PHLPP1: variants seen among roughly 807,000 people sequenced by gnomAD.
PHLPP1 encodes the protein PH domain leucine-rich repeat-containing protein phosphatase 1.
In PHLPP1, 42 loss-of-function variants were observed where a neutral mutation model predicts 117.2. That is an observed-to-expected ratio of 0.36 (90% CI 0.28 to 0.46). The LOEUF (loss-of-function observed/expected upper bound fraction) is 0.46, where lower values mean the gene tolerates loss of function less well. PHLPP1 is among the 20% of genes least tolerant of loss of function. The pLI is 1.00. For synonymous variants in PHLPP1, 1,042 were observed against 970.7 expected (o/e 1.07, Z -1.37); for missense variants, 2,084 against 2,241.9 (o/e 0.93, Z 1.42).
chr18:62,964,914 T>G (rs1910861104), intron 14 of PHLPP1, among the ~76,000 whole-genome samples: 1 of 152,188 alleles, frequency 6.6e-6, no homozygotes, highest in Non-Finnish European at 1.5e-5. Context: ...GGTGGGCTTT[T>G]GGGCATAATT....
chr18:62,750,307 G>A (rs1911805148), intron 1 of PHLPP1, among the ~76,000 whole-genome samples: 1 of 152,114 alleles, frequency 6.6e-6, no homozygotes, highest in African/African-American at 2.4e-5. Context: ...AGTAGTTCAT[G>A]TCCTCATGAG....
rs147971035 is a variant in PHLPP1, at chr18:62,732,937, A to G, written c.1576+15678A>G. The stretch of plus-strand genomic sequence containing the variant: ...GCTGCAATCTCATGATGAAACTTGA[A>G]TGGATGAGGAATTTCCTCTTATGGA... On this transcript the variant is annotated intron_variant, in intron 1 of 16. Transcript: ENST00000262719. Among the ~76,000 whole-genome samples, 221 of 152,362 alleles carry G rather than the reference A, an allele frequency of 1.5e-3. 1 individual carries two copies. The highest frequency in any genetic ancestry group is 2.3e-3 in the Non-Finnish European group (154 of 68,038).
At chr18:62,843,996 C>A (rs1462949816) in intron 3 of PHLPP1, among the ~76,000 whole-genome samples, 1 of 152,144 alleles carries the variant, frequency 6.6e-6, no homozygotes, top group Non-Finnish European at 1.5e-5. Flanking sequence ...TGTAGCATGT[C>A]TTAGTTTTAA....
chr18:62,727,874 C>G (rs950836453), intron 1 of PHLPP1, among the ~76,000 whole-genome samples: 4 of 152,012 alleles, frequency 2.6e-5, no homozygotes, highest in Admixed American at 2.6e-4. Flanking sequence ...ATGGACTTAT[C>G]AGGATACTCC....
At chr18:62,915,039 C>CA in intron 9 of PHLPP1, 31 bp downstream of exon 9, 1 of 1,472,578 alleles carries the variant, frequency 6.8e-7, no homozygotes, top group Middle Eastern at 1.7e-4. Flanking sequence ...GAGAGGATCT[C>CA]ACAATAAATG....
chr18:62,959,862 A>G (rs9966522), intron 13 of PHLPP1, among the ~76,000 whole-genome samples: 124 of 152,340 alleles, frequency 8.1e-4, no homozygotes, highest in African/African-American at 3.0e-3. Flanking sequence ...TAATTTTGAT[A>G]CATAGTTGAA....
At chr18:62,735,564 A>AAACAACAACAAC (rs34600395) in intron 1 of PHLPP1, among the ~76,000 whole-genome samples, 5,426 of 142,962 alleles carry the variant, frequency 0.038, 140 homozygotes, top group Non-Finnish European at 0.054. Context: ...CCCCCCATCA[A>AAACAACAACAAC]AACAACAACA....
chr18:62,728,026 C>T (rs1406512403), intron 1 of PHLPP1, among the ~76,000 whole-genome samples: 6 of 152,130 alleles, frequency 3.9e-5, no homozygotes, highest in African/African-American at 9.7e-5. Context: ...GTGGCTCACG[C>T]GTGTAATCCT....
chr18:62,767,132 G>A (rs1912569160), intron 1 of PHLPP1, among the ~76,000 whole-genome samples: 1 of 152,000 alleles, frequency 6.6e-6, no homozygotes, highest in Non-Finnish European at 1.5e-5. Flanking sequence ...CATTTAACTC[G>A]GTATCAGGCC....
intron 10 of PHLPP1, among the ~76,000 whole-genome samples, chr18:62,922,783 C>T (rs556285975): frequency 4.6e-5 from 7 of 152,068 alleles, no homozygotes; most frequent in Admixed American, 1.3e-4. Flanking sequence ...TTTACAAGGA[C>T]GTTTCTGTAT....
chr18:62,810,549 TAAC>T (rs1212266514), intron 1 of PHLPP1, among the ~76,000 whole-genome samples: 1 of 152,144 alleles, frequency 6.6e-6, no homozygotes, highest in Non-Finnish European at 1.5e-5. Flanking sequence ...AGTAAGAGAT[TAAC>T]AACAATAACT....
chr18:62,894,936 CTT>C, intron 4 of PHLPP1, 73 bp from the exon 5 acceptor site: 2 of 1,301,598 alleles, frequency 1.5e-6, no homozygotes, highest in Non-Finnish European at 2.1e-6. Flanking sequence ...TAGATTATCT[CTT>C]AGGCTATGCT....
At chr18:62,864,042 A>G (rs1414998694) in intron 4 of PHLPP1, among the ~76,000 whole-genome samples, 1 of 150,792 alleles carries the variant, frequency 6.6e-6, no homozygotes, top group Non-Finnish European at 1.5e-5. Context: ...TTTTTTTGAG[A>G]CAGAGTCTCG....
intron 1 of PHLPP1, among the ~76,000 whole-genome samples, chr18:62,787,011 A>T (rs1406447076): frequency 6.6e-6 from 1 of 152,158 alleles, no homozygotes; most frequent in African/African-American, 2.4e-5. Context: ...AATACCTCTA[A>T]AGCGTGCATG....
intron 1 of PHLPP1, among the ~76,000 whole-genome samples, chr18:62,775,683 A>G (rs1234440117): frequency 6.6e-6 from 1 of 152,166 alleles, no homozygotes; most frequent in Non-Finnish European, 1.5e-5. Flanking sequence ...GTCCACTTTT[A>G]GCTATAATTT....
chr18:62,766,077 ATATAT>A lies in PHLPP1; in HGVS notation c.1576+48819_1576+48823del, dbSNP rs1444363397. 6.4e-3 allele frequency among the ~76,000 whole-genome samples: 134 copies of A among 20,984 alleles called. 11 individuals are homozygous for A. Among genetic ancestry groups the A allele is most frequent in the East Asian group, 0.016 (6 of 386 alleles). 13.8% of individuals were successfully genotyped at this position (20,984 alleles called of 152,430 possible). A position where few individuals can be genotyped will look rare whatever the true frequency, so the allele number is the denominator to read the frequency against. ...CTCCATCTCAAAAAAAAAAAAAAAA[ATATAT>A]ATATATATATATATATATATAAAAT... is the stretch of plus-strand genomic sequence containing the variant. On this transcript the variant is annotated intron_variant, in intron 1 of 16. Coordinates refer to ENST00000262719, the MANE Select transcript of PHLPP1 (RefSeq NM_194449.4).
chr18:62,965,856 GAAA>G (rs1043425926), intron 14 of PHLPP1, among the ~76,000 whole-genome samples: 7 of 143,950 alleles, frequency 4.9e-5, no homozygotes, highest in Non-Finnish European at 7.6e-5. Context: ...AAAAAAGAAA[GAAA>G]AAAAAACTAC....
chr18:62,744,150 T>C (rs1281821510), intron 1 of PHLPP1, among the ~76,000 whole-genome samples: 1 of 152,272 alleles, frequency 6.6e-6, no homozygotes, highest in Non-Finnish European at 1.5e-5. Flanking sequence ...TTTTTTTAAA[T>C]TCTGTTTTAA....
chr18:62,820,993 A>G (rs1914436114), intron 1 of PHLPP1, among the ~76,000 whole-genome samples: 1 of 152,262 alleles, frequency 6.6e-6, no homozygotes, highest in African/African-American at 2.4e-5. Context: ...CAATTAAATT[A>G]CATACTTCCA....
Sources: gnomAD v4.1 joint callset for allele counts (sites outside exome capture counted in the v4.1 genomes callset) on GRCh38, gnomAD v4.1.1 for gene constraint, MANE v1.5 for transcripts, NCBI Gene and HGNC (gene_info 2026-07-23, HGNC 2026-07-21) for gene names.